The following GSPT1 variants were observed in gnomAD, a reference collection of about 807,000 sequenced individuals.
The protein encoded by GSPT1 is eukaryotic peptide chain release factor GTP-binding subunit ERF3A.
GSPT1 carries 20 observed loss-of-function variants against 72.5 expected under a neutral mutation model. That is an observed-to-expected ratio of 0.28 (90% CI 0.19 to 0.40). The LOEUF is 0.40. GSPT1 is among the 10% of genes least tolerant of loss of function. GSPT1 has a pLI of 1.00. For synonymous variants in GSPT1, 334 were observed against 293.5 expected (o/e 1.14, Z -1.41); for missense variants, 580 against 811.9 (o/e 0.71, Z 3.47).
intron 1 of GSPT1, chr16:11,915,137 G>A (rs949005445): frequency 1.2e-5 from 13 of 1,067,146 alleles, no homozygotes; most frequent in African/African-American, 1.7e-5. Context: ...CGGCACTCGG[G>A]TCCGGGTCTT....
At chr16:11,887,010 T>A (rs2054192819) in intron 7 of GSPT1, 79 bp from the exon 8 acceptor site, 2 of 1,084,826 alleles carry the variant, frequency 1.8e-6, no homozygotes, top group Non-Finnish European at 2.6e-6. Context: ...TTCCTTTCAG[T>A]TATATCACGA....
intron 1 of GSPT1, among the ~76,000 whole-genome samples, chr16:11,903,415 A>G (rs1056490961): frequency 3.9e-5 from 6 of 152,196 alleles, no homozygotes; most frequent in African/African-American, 1.4e-4. Context: ...AGGCTGAGCC[A>G]GGAGAATCTG....
intron 5 of GSPT1, among the ~76,000 whole-genome samples, chr16:11,893,316 G>C (rs2054293497): frequency 6.6e-6 from 1 of 152,088 alleles, no homozygotes; most frequent in Non-Finnish European, 1.5e-5. Flanking sequence ...ATAGAAATGA[G>C]GGTCTCACTA....
At chr16:11,906,917 CT>C (rs1567451546) in intron 1 of GSPT1, among the ~76,000 whole-genome samples, 1 of 151,994 alleles carries the variant, frequency 6.6e-6, no homozygotes, top group Non-Finnish European at 1.5e-5. Context: ...TGAGGTTTTT[CT>C]TTTTTTCTCC....
At chr16:11,887,936 G>A (rs2054204416) in intron 6 of GSPT1, among the ~76,000 whole-genome samples, 186 bp from the exon 7 acceptor site, 2 of 150,020 alleles carry the variant, frequency 1.3e-5, no homozygotes, top group Admixed American at 6.6e-5. Flanking sequence ...AGGCCAAGGC[G>A]GCGGATCACA....
chr16:11,884,865 G>A (rs1163985026), intron 10 of GSPT1, among the ~76,000 whole-genome samples: 1 of 151,206 alleles, frequency 6.6e-6, no homozygotes, highest in Non-Finnish European at 1.5e-5. Flanking sequence ...TCAGGAGATC[G>A]AGACCATCCT....
chr16:11,882,918 C>G, intron 11 of GSPT1, 97 bp downstream of exon 11: 1 of 759,230 alleles, frequency 1.3e-6, no homozygotes, highest in Non-Finnish European at 2.3e-6. Flanking sequence ...GAATGCGCCA[C>G]TGTACTCCTG....
At position 11,870,036 on chromosome 16, in the gene GSPT1, C is replaced by T. The variant is rs771379830; in HGVS notation, c.*3083G>A. ...TGTAACCAGCAAATATGAGTTACCT[C>T]GTTACAGTGAACAACCTGCACTGTT... is the stretch of plus-strand genomic sequence containing the variant. On this transcript the variant is annotated 3_prime_UTR_variant, in exon 15 of 15. Transcript: ENST00000434724. 2.0e-5 allele frequency: 3 copies of T among 152,070 alleles called. No individual in the cohort carries two copies. Among genetic ancestry groups the T allele is most frequent in the African/African-American group, 7.2e-5 (3 of 41,392 alleles). 9.4% of individuals were successfully genotyped at this position (152,070 alleles called of 1,614,324 possible).
In GSPT1 at chr16:11,895,007, G is replaced by A; in HGVS notation, c.665-20C>T. ...CAGCATCTAAAAGTAACATCAACAT[G>A]CAAACCATAGGTTAAAACCAAAAAC... On this transcript the variant is annotated intron_variant, in intron 4 of 14. Transcript: ENST00000434724. 1.9e-6 allele frequency: 3 copies of A among 1,567,386 alleles called. No homozygotes were observed. Among genetic ancestry groups the A allele is most frequent in the Non-Finnish European group, 2.6e-6 (3 of 1,145,736 alleles).
upstream of GSPT1, chr16:11,915,986 G>C (rs764211947): frequency 7.3e-5 from 51 of 701,388 alleles, no homozygotes; most frequent in South Asian, 4.5e-4. Flanking sequence ...CACCTCCGAC[G>C]GCCTCACAGC....
intron 1 of GSPT1, among the ~76,000 whole-genome samples, chr16:11,907,834 A>C (rs1015860940): frequency 3.3e-5 from 5 of 152,224 alleles, no homozygotes; most frequent in African/African-American, 1.2e-4. Context: ...TCGGACACAA[A>C]AGCAATGCCA....
chr16:11,910,804 G>A (rs1300586221), intron 1 of GSPT1, among the ~76,000 whole-genome samples: 3 of 152,220 alleles, frequency 2.0e-5, no homozygotes, highest in Non-Finnish European at 4.4e-5. Flanking sequence ...TGTACTGACA[G>A]CACTACGTAA....
chr16:11,900,428 T>C (rs531781831), intron 1 of GSPT1, among the ~76,000 whole-genome samples: 1 of 152,138 alleles, frequency 6.6e-6, no homozygotes, highest in South Asian at 2.1e-4. Context: ...ATCCATATTG[T>C]GTAGGGAGTG....
intron 9 of GSPT1, 68 bp downstream of exon 9, chr16:11,886,403 G>A: frequency 2.0e-6 from 2 of 1,017,704 alleles, no homozygotes; most frequent in Non-Finnish European, 2.9e-6. Context: ...CTCAGCATAT[G>A]TCTTTATAAG....
At position 11,886,631 on chromosome 16, in the gene GSPT1, A is replaced by C; in HGVS notation, c.1113-20T>G. ...TCATATCTGCAATTATAATGTAACCAAAATAACTCAATTATAATGTAAACC... is the reference window on the plus strand; with the variant it reads ...TCATATCTGCAATTATAATGTAACCCAAATAACTCAATTATAATGTAAACC... On this transcript the variant is annotated intron_variant, in intron 8 of 14. Coordinates refer to ENST00000434724, the MANE Select transcript of GSPT1 (RefSeq NM_002094.4). 6.3e-7 allele frequency: 1 copy of C among 1,594,088 alleles called. No individual in the cohort carries two copies. The highest frequency in any genetic ancestry group is 8.6e-7 in the Non-Finnish European group (1 of 1,162,420).
At position 11,915,772 on chromosome 16, in the gene GSPT1, G is replaced by A. The variant is rs752208986; in HGVS notation, c.-52C>T. On this transcript the variant is annotated 5_prime_UTR_variant, in exon 1 of 15. Transcript: ENST00000434724. ...ACAGAGAGCGGGAAATGGAGGCAGG[G>A]GCGCCCGGCCGGAGAGGAGTGGGCA... The A allele has an allele frequency of 7.6e-6, 12 of 1,571,518 alleles. No homozygotes were observed. The highest frequency in any genetic ancestry group is 1.4e-5 in the African/African-American group (1 of 73,842).
chr16:11,915,276 C>G, intron 1 of GSPT1, 93 bp downstream of exon 1: 1 of 1,217,580 alleles, frequency 8.2e-7, no homozygotes. Flanking sequence ...ACGTGCCGAC[C>G]GGGCCCCAGG....
At chr16:11,887,018 C>T (rs947167543) in intron 7 of GSPT1, 87 bp from the exon 8 acceptor site, 238 of 796,200 alleles carry the variant, frequency 3.0e-4, no homozygotes, top group Non-Finnish European at 3.9e-4. Context: ...AGTTATATCA[C>T]GAGTTTTTTT....
chr16:11,888,773 A>C (rs2054216388), intron 6 of GSPT1, among the ~76,000 whole-genome samples: 1 of 152,160 alleles, frequency 6.6e-6, no homozygotes, highest in Non-Finnish European at 1.5e-5. Context: ...AAAAATAAAT[A>C]AATAAAATAA....
Sources: gnomAD v4.1 joint callset for allele counts (sites outside exome capture counted in the v4.1 genomes callset) on GRCh38, gnomAD v4.1.1 for gene constraint, MANE v1.5 for transcripts, NCBI Gene and HGNC (gene_info 2026-07-23, HGNC 2026-07-21) for gene names.